PLCG2: variants seen among roughly 807,000 people sequenced by gnomAD.
The protein encoded by PLCG2 is phospholipase C gamma 2, also known as 1-phosphatidylinositol 4,5-bisphosphate phosphodiesterase gamma-2.
A neutral mutation model predicts 175.6 loss-of-function variants in PLCG2; 69 were observed. That is an observed-to-expected ratio of 0.39 (90% CI 0.32 to 0.48). The LOEUF (loss-of-function observed/expected upper bound fraction) is 0.48, where lower values mean the gene tolerates loss of function less well. Ranked by LOEUF, PLCG2 falls within the 20% of genes least tolerant of loss-of-function variation. The pLI is 0.91. For synonymous variants in PLCG2, 827 were observed against 624.0 expected (o/e 1.33, Z -4.85); for missense variants, 1,798 against 1,650.9 (o/e 1.09, Z -1.54).
At chr16:81,916,930 G>A (rs541506109) in intron 19 of PLCG2, among the ~76,000 whole-genome samples, 2 of 152,208 alleles carry the variant, frequency 1.3e-5, no homozygotes, top group South Asian at 2.1e-4. Flanking sequence ...GAGCCACCAC[G>A]CCCGGCCAGG....
intron 5 of PLCG2, among the ~76,000 whole-genome samples, chr16:81,861,356 G>T (rs541544088): frequency 6.6e-6 from 1 of 152,210 alleles, no homozygotes; most frequent in Non-Finnish European, 1.5e-5. Flanking sequence ...TGTCTGGTCA[G>T]TGTCCTCTGT....
At chr16:81,851,228 T>G (rs1233177172) in intron 2 of PLCG2, among the ~76,000 whole-genome samples, 1 of 152,258 alleles carries the variant, frequency 6.6e-6, no homozygotes, top group African/African-American at 2.4e-5. Flanking sequence ...AATAGTACAG[T>G]TTCTGTGAAC....
chr16:81,804,565 C>G (rs1453105146), intron 2 of PLCG2, among the ~76,000 whole-genome samples: 2 of 152,156 alleles, frequency 1.3e-5, no homozygotes, highest in Non-Finnish European at 2.9e-5. Flanking sequence ...TTTTGTGGCA[C>G]AAAAGGACCA....
At chr16:81,806,851 T>TG (rs1904283504) in intron 2 of PLCG2, among the ~76,000 whole-genome samples, 1 of 151,484 alleles carries the variant, frequency 6.6e-6, no homozygotes, top group South Asian at 2.1e-4. Flanking sequence ...GGGCATGTTC[T>TG]GGGGATAGCC....
intron 24 of PLCG2, among the ~76,000 whole-genome samples, chr16:81,929,798 T>A (rs1910426058): frequency 6.6e-6 from 1 of 152,222 alleles, no homozygotes; most frequent in Non-Finnish European, 1.5e-5. Flanking sequence ...AAAATCAAGG[T>A]CCTAAGTGAC....
chr16:81,946,301 A>C (rs1025497545), intron 31 of PLCG2, 38 bp downstream of exon 31: 1 of 1,471,268 alleles, frequency 6.8e-7, no homozygotes, highest in Admixed American at 1.7e-5. Context: ...TCCCTGAGCT[A>C]TGCCTGCTGG....
At chr16:81,840,990 T>C (rs1905794975) in intron 2 of PLCG2, among the ~76,000 whole-genome samples, 1 of 152,148 alleles carries the variant, frequency 6.6e-6, no homozygotes, top group Non-Finnish European at 1.5e-5. Flanking sequence ...TTAAAACTCT[T>C]ATCTATTGAA....
chr16:81,890,705 A>G (rs2143599832), intron 10 of PLCG2, among the ~76,000 whole-genome samples: 1 of 152,318 alleles, frequency 6.6e-6, no homozygotes, highest in African/African-American at 2.4e-5. Flanking sequence ...GGTCGTTCTC[A>G]CGCAGCAGAA....
At chr16:81,815,863 C>G (rs558162766) in intron 2 of PLCG2, among the ~76,000 whole-genome samples, 8 of 152,038 alleles carry the variant, frequency 5.3e-5, no homozygotes, top group African/African-American at 1.9e-4. Flanking sequence ...GAGTTCGAGA[C>G]CAGCCCGGCC....
In PLCG2 at chr16:81,958,616, T is replaced by A; in HGVS notation, c.*618T>A. On this transcript the variant is annotated 3_prime_UTR_variant, in exon 33 of 33. Coordinates refer to ENST00000564138, the MANE Select transcript of PLCG2 (RefSeq NM_002661.5). ...ACAATTTCTAATTAATGGTGACAGC[T>A]TGTTTTGTGACTAGAGTTACTGGGA... The A allele has an allele frequency of 4.4e-6, 1 of 226,818 alleles. No homozygotes were observed. Among genetic ancestry groups the A allele is most frequent in the Non-Finnish European group, 8.8e-6 (1 of 114,054 alleles). The allele number at this position is 226,818 out of a possible 1,614,324, so 14.1% of individuals were successfully genotyped here.
At chr16:81,881,755 C>T (rs971742546) in intron 8 of PLCG2, among the ~76,000 whole-genome samples, 1 of 152,160 alleles carries the variant, frequency 6.6e-6, no homozygotes, top group African/African-American at 2.4e-5. Flanking sequence ...AGCGATTCTC[C>T]TGCCTCATCC....
chr16:81,742,154 CGG>C (rs55847562), intron 1 of PLCG2, among the ~76,000 whole-genome samples: 45,284 of 111,616 alleles, frequency 0.41, 8,465 homozygotes, highest in East Asian at 0.72. Flanking sequence ...ATTGTGGGGG[CGG>C]GGGGGGGGGC....
intron 7 of PLCG2, among the ~76,000 whole-genome samples, chr16:81,877,175 T>G (rs1907832391): frequency 1.3e-5 from 2 of 151,978 alleles, no homozygotes; most frequent in Non-Finnish European, 2.9e-5. Flanking sequence ...AACAGAAGTG[T>G]CGGGCACGGT....
intron 2 of PLCG2, chr16:81,767,939 G>C (rs1299056413): frequency 6.6e-6 from 1 of 152,178 alleles, no homozygotes; most frequent in East Asian, 1.9e-4. Flanking sequence ...GCCTAGGCTG[G>C]AGCTCAATGG....
rs189301245 is a variant in PLCG2, at chr16:81,848,128, A to C, written c.194-6316A>C. Among the ~76,000 whole-genome samples, 195 of 152,336 alleles carry C rather than the reference A, an allele frequency of 1.3e-3. 2 individuals are homozygous for C. Among genetic ancestry groups the C allele is most frequent in the African/African-American group, 4.4e-3 (182 of 41,572 alleles). On this transcript the variant is annotated intron_variant, in intron 2 of 32. Coordinates refer to ENST00000564138, the MANE Select transcript of PLCG2 (RefSeq NM_002661.5). ...TCAGTACAGGTGATGTTGGCAGAAG[A>C]ATAGAAAGATTAGTAGAACAGGATC...
intron 1 of PLCG2, among the ~76,000 whole-genome samples, chr16:81,782,294 A>G (rs1910771988): frequency 6.6e-6 from 1 of 151,386 alleles, no homozygotes; most frequent in Non-Finnish European, 1.5e-5. Flanking sequence ...AGTTATTCAA[A>G]CTCAGCCATA....
At chr16:81,884,789 T>A (rs1192884641) in intron 9 of PLCG2, among the ~76,000 whole-genome samples, 2 of 152,212 alleles carry the variant, frequency 1.3e-5, no homozygotes, top group Admixed American at 1.3e-4. Context: ...AAAAACCTCT[T>A]GTCTTGCAGA....
intron 14 of PLCG2, among the ~76,000 whole-genome samples, chr16:81,904,049 G>A (rs1179757131): frequency 6.6e-6 from 1 of 152,188 alleles, no homozygotes; most frequent in Non-Finnish European, 1.5e-5. Context: ...TGTGGACATT[G>A]AGATTCAGAG....
intron 27 of PLCG2, among the ~76,000 whole-genome samples, chr16:81,936,752 G>A (rs993500927): frequency 3.2e-4 from 49 of 152,196 alleles, no homozygotes; most frequent in Non-Finnish European, 1.3e-4. Context: ...TTACATGCTG[G>A]CATAACTAAC....
Sources: gnomAD v4.1 joint callset for allele counts (sites outside exome capture counted in the v4.1 genomes callset) on GRCh38, gnomAD v4.1.1 for gene constraint, MANE v1.5 for transcripts, NCBI Gene and HGNC (gene_info 2026-07-23, HGNC 2026-07-21) for gene names.